Variants in NEO1 observed in about 807,000 individuals in gnomAD.
NEO1 encodes neogenin.
A neutral mutation model predicts 159.7 loss-of-function variants in NEO1; 63 were observed. That is an observed-to-expected ratio of 0.39 (90% CI 0.32 to 0.49). The LOEUF (loss-of-function observed/expected upper bound fraction) is 0.49, where lower values mean the gene tolerates loss of function less well. NEO1 is among the 20% of genes least tolerant of loss of function. NEO1 has a pLI of 0.85. For synonymous variants in NEO1, 633 were observed against 662.0 expected, an observed-to-expected ratio of 0.96 and a Z score of 0.67; for missense variants, 1,615 against 1,831.0, an observed-to-expected ratio of 0.88 and a Z score of 2.15.
chr15:73,259,242 C>T (rs2040508693), intron 14 of NEO1: 1 of 189,850 alleles, frequency 5.3e-6, no homozygotes, highest in Non-Finnish European at 1.1e-5. Context: ...ACACCTTGCC[C>T]TTTTTCTCAC....
chr15:73,170,493 T>C (rs1317592033), intron 5 of NEO1, among the ~76,000 whole-genome samples: 1 of 152,222 alleles, frequency 6.6e-6, no homozygotes, highest in Non-Finnish European at 1.5e-5. Context: ...TGAAGTCCAA[T>C]AGAGTCATGT....
chr15:73,190,164 A>C (rs993809503), intron 7 of NEO1, among the ~76,000 whole-genome samples: 1 of 152,216 alleles, frequency 6.6e-6, no homozygotes, highest in African/African-American at 2.4e-5. Context: ...TAAGAGTAGT[A>C]GGAATTAAGG....
Position 73,270,192 on chromosome 15 carries a change from G to A in NEO1, c.2677G>A (p.Val893Ile), listed in dbSNP as rs774583216. ...GATTACAGACTCCCGATACTACACCGTCCGATGGAAAACCAACATCCCAGC... is the reference window on the plus strand; with the variant it reads ...GATTACAGACTCCCGATACTACACCATCCGATGGAAAACCAACATCCCAGC... The part of the protein sequence containing the change: ...QKITDSRYYT[V>I]RWKTNIPANT... Residue 893 changes from valine to isoleucine, a missense_variant, in exon 17 of 29, where the codon GTC becomes ATC. Around this residue, in one of 3 missense-constraint regions of NEO1, gnomAD observed 1,018 missense variants for 1,115.4 expected, o/e 0.91. Transcript: ENST00000261908. 2.6e-5 allele frequency: 42 copies of A among 1,613,998 alleles called. No individual in the cohort carries two copies. The highest frequency in any genetic ancestry group is 1.6e-4 in the Middle Eastern group (1 of 6,084).
intron 22 of NEO1, among the ~76,000 whole-genome samples, chr15:73,282,418 C>G (rs1326576291): frequency 6.6e-6 from 1 of 152,168 alleles, no homozygotes; most frequent in Non-Finnish European, 1.5e-5. Context: ...TACTTCAGAC[C>G]TACTGTTTCT....
intron 1 of NEO1, among the ~76,000 whole-genome samples, chr15:73,089,063 A>G (rs1464648942): frequency 6.6e-6 from 1 of 152,118 alleles, no homozygotes; most frequent in African/African-American, 2.4e-5. Flanking sequence ...ATACAGACAA[A>G]AGGTCATTTT....
intron 7 of NEO1, among the ~76,000 whole-genome samples, chr15:73,215,457 A>G (rs1567505214): frequency 1.3e-5 from 2 of 152,162 alleles, no homozygotes; most frequent in South Asian, 2.1e-4. Flanking sequence ...TGTCCCTTGT[A>G]TGCTGATTTG....
chr15:73,159,103 T>A (rs2033990359), intron 5 of NEO1, among the ~76,000 whole-genome samples: 1 of 152,106 alleles, frequency 6.6e-6, no homozygotes, highest in Non-Finnish European at 1.5e-5. Flanking sequence ...GTCTCAAAAA[T>A]TTTTTTAAAA....
Position 73,164,019 on chromosome 15 carries a change from A to AT in NEO1, c.1016-12370dup, listed in dbSNP as rs57049110. ...TATTTGTATTTTGTTTCTTTTTCTT[A>AT]TTTTTTTTTTTTTTCTTATTTTTTT... On this transcript the variant is annotated intron_variant, in intron 5 of 28. Transcript: ENST00000261908. Among the ~76,000 whole-genome samples, 1,228 of 123,692 alleles carry AT rather than the reference A, an allele frequency of 9.9e-3. 14 individuals are homozygous for AT. The highest frequency in any genetic ancestry group is 0.032 in the African/African-American group (1,157 of 36,692). 81.1% of individuals were successfully genotyped at this position (123,692 alleles called of 152,430 possible).
chr15:73,054,173 C>A (rs748694380), intron 1 of NEO1, among the ~76,000 whole-genome samples: 1 of 152,158 alleles, frequency 6.6e-6, no homozygotes, highest in Non-Finnish European at 1.5e-5. Context: ...CTTAGATGAG[C>A]AAGAGAAATA....
chr15:73,197,286 GA>G (rs1324390571), intron 7 of NEO1, among the ~76,000 whole-genome samples: 5 of 152,152 alleles, frequency 3.3e-5, no homozygotes, highest in Admixed American at 6.5e-5. Flanking sequence ...TTGAACCTGG[GA>G]GGTGGAGTTT....
chr15:73,139,302 G>GT (rs2032148566), intron 5 of NEO1, among the ~76,000 whole-genome samples: 1 of 151,996 alleles, frequency 6.6e-6, no homozygotes, highest in Non-Finnish European at 1.5e-5. Context: ...AGAAAACACA[G>GT]GCAACGAAAG....
chr15:73,190,617 T>C lies in NEO1; in HGVS notation c.1291+12190T>C, dbSNP rs750794879. On this transcript the variant is annotated intron_variant, in intron 7 of 28. Transcript: ENST00000261908. ...AAAAGTTGGCTAGATAGCAGGAAAT[T>C]GTTACTCATTAGTGGAATATTTTAA... Among the ~76,000 whole-genome samples the C allele has an allele frequency of 3.0e-4, 46 of 152,174 alleles. 1 individual carries two copies. The highest frequency in any genetic ancestry group is 5.9e-4 in the Non-Finnish European group (40 of 68,012).
intron 5 of NEO1, among the ~76,000 whole-genome samples, chr15:73,156,848 C>T (rs1470182891): frequency 6.6e-6 from 1 of 152,144 alleles, no homozygotes; most frequent in Non-Finnish European, 1.5e-5. Flanking sequence ...ACTCAGGCCT[C>T]CCAATGGTGG....
intron 1 of NEO1, among the ~76,000 whole-genome samples, chr15:73,091,131 C>G (rs2069667121): frequency 6.6e-6 from 1 of 152,176 alleles, no homozygotes; most frequent in African/African-American, 2.4e-5. Context: ...TTTTTAGTGA[C>G]TGTGTAATAA....
At chr15:73,158,794 G>C (rs2033964791) in intron 5 of NEO1, among the ~76,000 whole-genome samples, 1 of 152,152 alleles carries the variant, frequency 6.6e-6, no homozygotes, top group African/African-American at 2.4e-5. Flanking sequence ...CTCCTCCACA[G>C]AAGCAACCAT....
intron 1 of NEO1, among the ~76,000 whole-genome samples, chr15:73,112,686 A>G (rs2071069835): frequency 6.6e-6 from 1 of 152,158 alleles, no homozygotes; most frequent in African/African-American, 2.4e-5. Context: ...ATAAGATCAC[A>G]GACCCTGGTT....
At chr15:73,208,586 G>A (rs1363592930) in intron 7 of NEO1, among the ~76,000 whole-genome samples, 2 of 152,128 alleles carry the variant, frequency 1.3e-5, no homozygotes, top group Admixed American at 6.5e-5. Flanking sequence ...GATTGGCTAG[G>A]TGTGATGACT....
rs546550682 is a variant in NEO1, at chr15:73,289,215, C to G, written c.3719C>G (p.Pro1240Arg). Residue 1240 changes from proline (P) to arginine (R), a missense_variant, in exon 25 of 29, where the codon CCC (proline) becomes CGC (arginine). By Grantham distance (103) the Pro-to-Arg change is moderately radical (BLOSUM62 -2). Around this residue, in one of 3 missense-constraint regions of NEO1, gnomAD observed 471 missense variants for 498.9 expected, o/e 0.94. Transcript: ENST00000261908. ...RRGMRPKMMMPFDSQPPQPVI... is the reference protein window; with the variant it reads ...RRGMRPKMMMRFDSQPPQPVI... ...GGAATGAGACCAAAAATGATGATGC[C>G]CTTTGACTCCCAGCCACCCCAGCGT... is the stretch of plus-strand genomic sequence containing the variant. 1.5e-5 allele frequency: 25 copies of G among 1,613,944 alleles called. No homozygotes were observed. The highest frequency in any genetic ancestry group is 2.0e-5 in the Non-Finnish European group (24 of 1,179,990).
chr15:73,249,962 C>G (rs1036041500), intron 11 of NEO1, among the ~76,000 whole-genome samples: 1 of 152,204 alleles, frequency 6.6e-6, no homozygotes, highest in Non-Finnish European at 1.5e-5. Context: ...GTGCCTCTTA[C>G]TGGATAGGCT....
Sources: allele counts gnomAD v4.1 joint callset (sites outside exome capture counted in the v4.1 genomes callset), GRCh38; gene constraint gnomAD v4.1.1; regional missense constraint gnomAD v4.1.1; transcripts MANE v1.5; gene names NCBI Gene and HGNC (gene_info 2026-07-23, HGNC 2026-07-21).